TRAPPC9: variants seen among roughly 807,000 people sequenced by gnomAD.
TRAPPC9 encodes the protein IKK2 binding protein.
In TRAPPC9, 83 loss-of-function variants were observed where a neutral mutation model predicts 124.0. That is an observed-to-expected ratio of 0.67 (90% CI 0.56 to 0.80). The LOEUF (loss-of-function observed/expected upper bound fraction) is 0.80. Among genes scored for constraint, TRAPPC9 ranks in the 30% least tolerant of loss-of-function variants. The pLI, the probability that TRAPPC9 is intolerant of heterozygous loss-of-function variation, is 0.00. For missense variants in TRAPPC9, 1,302 were observed against 1,508.3 expected, an observed-to-expected ratio of 0.86 and a Z score of 2.27; for synonymous variants, 638 against 617.5, an observed-to-expected ratio of 1.03 and a Z score of -0.49.
At chr8:140,396,464 C>T (rs571670916) in intron 7 of TRAPPC9, among the ~76,000 whole-genome samples, 5 of 151,986 alleles carry the variant, frequency 3.3e-5, no homozygotes, top group African/African-American at 4.8e-5. Flanking sequence ...TAAAACCCGC[C>T]GCTCTTAGAA....
At chr8:140,190,954 C>G (rs567919544) in intron 17 of TRAPPC9, among the ~76,000 whole-genome samples, 3 of 152,260 alleles carry the variant, frequency 2.0e-5, no homozygotes, top group African/African-American at 7.2e-5. Context: ...ATCGGATTCT[C>G]AAGTTCAGTG....
intron 16 of TRAPPC9, among the ~76,000 whole-genome samples, chr8:140,231,476 CTTTTCT>C (rs2063591281): frequency 7.8e-6 from 1 of 128,692 alleles, no homozygotes; most frequent in African/African-American, 3.1e-5. Flanking sequence ...AAATCACTGC[CTTTTCT>C]TTTTTTTTTT....
chr8:139,976,510 T>A (rs139135685), intron 19 of TRAPPC9, among the ~76,000 whole-genome samples: 197 of 152,230 alleles, frequency 1.3e-3, no homozygotes, highest in African/African-American at 4.6e-3. Flanking sequence ...ACCAGGCATT[T>A]GACAAAGGGC....
rs778380217 is a variant in TRAPPC9, at chr8:140,283,972, G to C, written c.2031C>G (p.Asn677Lys). 1.7e-4 allele frequency: 273 copies of C among 1,614,042 alleles called. No individual in the cohort carries two copies. Among genetic ancestry groups the C allele is most frequent in the Non-Finnish European group, 2.3e-4 (267 of 1,180,038 alleles). Residue 677 changes from asparagine (N) to lysine (K), a missense_variant, in exon 14 of 23, where the codon AAC (asparagine) becomes AAG (lysine). Asn to Lys is a moderately conservative substitution (Grantham distance 94). Around this residue, in one of 3 missense-constraint regions of TRAPPC9, gnomAD observed 640 missense variants for 679.3 expected, o/e 0.94. Coordinates refer to ENST00000438773, the MANE Select transcript of TRAPPC9 (RefSeq NM_001160372.4). ...AGCCACTGGTTTTTATTCCCGGCAG[G>C]TTATCCAGCAAACAGTCACTGAACA... ...FGVFSDCLLD[N>K]LPGIKTSGST...
At chr8:139,871,400 A>C (rs1828891043) in intron 21 of TRAPPC9, among the ~76,000 whole-genome samples, 1 of 151,932 alleles carries the variant, frequency 6.6e-6, no homozygotes, top group Non-Finnish European at 1.5e-5. Context: ...CACTCACATC[A>C]CCCTTTCCTC....
chr8:140,003,297 G>A (rs369383565), intron 18 of TRAPPC9, among the ~76,000 whole-genome samples: 7 of 152,148 alleles, frequency 4.6e-5, no homozygotes, highest in South Asian at 2.1e-4. Context: ...AAATTAGGCC[G>A]GGTGCGGTGG....
intron 4 of TRAPPC9, among the ~76,000 whole-genome samples, chr8:140,433,084 C>T (rs890550773): frequency 1.3e-5 from 2 of 152,140 alleles, no homozygotes; most frequent in Admixed American, 1.3e-4. Context: ...GGGTGGATCA[C>T]TTGAGTCAGG....
At chr8:140,185,035 T>C (rs2062320761) in intron 17 of TRAPPC9, among the ~76,000 whole-genome samples, 1 of 152,240 alleles carries the variant, frequency 6.6e-6, no homozygotes, top group Non-Finnish European at 1.5e-5. Flanking sequence ...ACTCTTTCCA[T>C]GAGATAGCTT....
At chr8:139,850,831 C>T (rs1473415) in intron 21 of TRAPPC9, among the ~76,000 whole-genome samples, 11,821 of 152,226 alleles carry the variant, frequency 0.078, 572 homozygotes, top group East Asian at 0.19. Flanking sequence ...TTCCCATATA[C>T]TCAGCCCCCA....
chr8:139,932,708 G>A, intron 19 of TRAPPC9: 3 of 368,382 alleles, frequency 8.1e-6, no homozygotes, highest in South Asian at 2.0e-5. Context: ...AGGTTGCAGT[G>A]AGCCGAGATG....
chr8:139,786,416 G>A (rs558364260), intron 21 of TRAPPC9, among the ~76,000 whole-genome samples: 6 of 152,202 alleles, frequency 3.9e-5, no homozygotes, highest in Admixed American at 1.3e-4. Flanking sequence ...CATCAAGTGC[G>A]GTGGGGAGGC....
intron 4 of TRAPPC9, among the ~76,000 whole-genome samples, chr8:140,431,457 T>A (rs561623705): frequency 1.8e-4 from 27 of 151,308 alleles, no homozygotes; most frequent in Admixed American, 1.1e-3. Flanking sequence ...AAAAAAAAAA[T>A]AAAAATAAAA....
intron 2 of TRAPPC9, among the ~76,000 whole-genome samples, chr8:140,441,852 A>T (rs1448478753): frequency 1.3e-5 from 2 of 152,162 alleles, no homozygotes; most frequent in Non-Finnish European, 2.9e-5. Context: ...GGAGTCAGCC[A>T]CTGTGCCCAG....
chr8:140,079,772 A>T (rs1316510111), intron 17 of TRAPPC9, among the ~76,000 whole-genome samples: 1 of 152,160 alleles, frequency 6.6e-6, no homozygotes, highest in South Asian at 2.1e-4. Context: ...TCTACTAAAA[A>T]TACAAAAATT....
intron 8 of TRAPPC9, among the ~76,000 whole-genome samples, chr8:140,369,982 CG>C (rs1222375916): frequency 2.0e-5 from 3 of 151,836 alleles, no homozygotes; most frequent in Non-Finnish European, 4.4e-5. Context: ...AAAAGGATGC[CG>C]AAGAACCCAT....
intron 21 of TRAPPC9, among the ~76,000 whole-genome samples, chr8:139,779,254 C>A (rs560914596): frequency 8.9e-4 from 136 of 152,086 alleles, no homozygotes; most frequent in African/African-American, 3.1e-3. Flanking sequence ...CTGAACCCAG[C>A]AAAAAACCAA....
At chr8:140,062,306 G>C (rs756649491) in intron 17 of TRAPPC9, among the ~76,000 whole-genome samples, 3 of 152,174 alleles carry the variant, frequency 2.0e-5, no homozygotes, top group Non-Finnish European at 4.4e-5. Context: ...TACTGGGCAT[G>C]ATCAGACCTC....
chr8:140,070,368 T>C (rs1028912985), intron 17 of TRAPPC9, among the ~76,000 whole-genome samples: 5 of 152,196 alleles, frequency 3.3e-5, no homozygotes, highest in Admixed American at 2.0e-4. Context: ...AACATATTCA[T>C]ATGTCAGTCT....
intron 19 of TRAPPC9, among the ~76,000 whole-genome samples, chr8:139,975,927 CTTTTTTTTTTTT>C (rs528679775): frequency 2.1e-5 from 2 of 95,566 alleles, no homozygotes; most frequent in Middle Eastern, 7.2e-3. Flanking sequence ...AAAGGACAGT[CTTTTTTTTTTTT>C]TTTTTTTTTT....
Sources: allele counts gnomAD v4.1 joint callset (sites outside exome capture counted in the v4.1 genomes callset), GRCh38; gene constraint gnomAD v4.1.1; regional missense constraint gnomAD v4.1.1; transcripts MANE v1.5; gene names NCBI Gene and HGNC (gene_info 2026-07-23, HGNC 2026-07-21).